The following VWA8 variants were observed in gnomAD, a reference collection of about 807,000 sequenced individuals.
The protein encoded by VWA8 is von Willebrand factor A domain containing 8.
A neutral mutation model predicts 241.5 loss-of-function variants in VWA8; 221 were observed. The observed-to-expected ratio is 0.91, with a 90% CI of 0.82 to 1.02. The LOEUF (loss-of-function observed/expected upper bound fraction) is 1.02. VWA8 is among the 50% of genes least tolerant of loss of function. The pLI, the probability that VWA8 is intolerant of heterozygous loss-of-function variation, is 0.00. For missense variants in VWA8, 2,322 were observed against 2,328.7 expected, an observed-to-expected ratio of 1.00 and a Z score of 0.06; for synonymous variants, 852 against 827.1, an observed-to-expected ratio of 1.03 and a Z score of -0.52.
In VWA8 at chr13:41,865,965, C is replaced by T. The variant is rs1472126873; in HGVS notation, c.1284G>A (p.Lys428=). The change falls in exon 11 of 45, where the codon AAG becomes AAA. Residue 428 remains lysine (K), a synonymous_variant. Coordinates refer to ENST00000379310, the MANE Select transcript of VWA8 (RefSeq NM_015058.2). ...ACTGCATCATTTCAGCCTGTAGCTGCTTATGGCTCAAAGTCTGTATGAAAC... is the reference window on the plus strand; with the variant it reads ...ACTGCATCATTTCAGCCTGTAGCTGTTTATGGCTCAAAGTCTGTATGAAAC... The part of the protein sequence containing the change: ...SDRFIQTLSH[K]QLQAEMMQSH... 1.9e-6 allele frequency: 3 copies of T among 1,614,216 alleles called. No individual in the cohort carries two copies. The highest frequency in any genetic ancestry group is 1.6e-4 in the Middle Eastern group (1 of 6,062).
chr13:41,897,868 C>A (rs1374312933), intron 4 of VWA8, among the ~76,000 whole-genome samples: 1 of 152,278 alleles, frequency 6.6e-6, no homozygotes, highest in Middle Eastern at 3.4e-3. Context: ...CTGGCTCCGG[C>A]AGCCTGCTTT....
chr13:41,748,664 T>A (rs895126327), intron 21 of VWA8, among the ~76,000 whole-genome samples: 16 of 152,100 alleles, frequency 1.1e-4, no homozygotes, highest in Admixed American at 1.3e-4. Context: ...AACAGAGATA[T>A]AGACCAATGG....
chr13:41,717,179 A>G (rs1388557508), intron 26 of VWA8, among the ~76,000 whole-genome samples: 1 of 151,928 alleles, frequency 6.6e-6, no homozygotes, highest in Non-Finnish European at 1.5e-5. Flanking sequence ...CTCTTTTTAC[A>G]GAATTATTGT....
At chr13:41,853,337 C>G (rs986027882) in intron 12 of VWA8, among the ~76,000 whole-genome samples, 13 of 152,044 alleles carry the variant, frequency 8.6e-5, no homozygotes, top group African/African-American at 2.9e-4. Flanking sequence ...CTGTAATTTT[C>G]TTTTCTTGTA....
chr13:41,770,009 CAAAG>C (rs1028528596), intron 20 of VWA8, among the ~76,000 whole-genome samples: 11 of 152,002 alleles, frequency 7.2e-5, no homozygotes, highest in East Asian at 3.9e-4. Flanking sequence ...TTGGGAGAGA[CAAAG>C]AAAGCCTCAT....
intron 40 of VWA8, among the ~76,000 whole-genome samples, chr13:41,591,129 G>T (rs2044451869): frequency 6.6e-6 from 1 of 152,160 alleles, no homozygotes; most frequent in East Asian, 1.9e-4. Flanking sequence ...TGTTAACATT[G>T]TCTGTAAGCC....
At chr13:41,654,042 C>T (rs2044885278) in intron 37 of VWA8, among the ~76,000 whole-genome samples, 1 of 152,034 alleles carries the variant, frequency 6.6e-6, no homozygotes, top group African/African-American at 2.4e-5. Context: ...GCAACAAAAA[C>T]AAAAATTGAC....
intron 1 of VWA8, among the ~76,000 whole-genome samples, chr13:41,954,896 G>T (rs1447502880): frequency 6.6e-6 from 1 of 151,964 alleles, no homozygotes; most frequent in Non-Finnish European, 1.5e-5. Flanking sequence ...TGTTCAAAGG[G>T]ATACATATTT....
intron 17 of VWA8, among the ~76,000 whole-genome samples, chr13:41,802,122 G>A (rs1029291159): frequency 1.1e-4 from 16 of 152,188 alleles, no homozygotes; most frequent in African/African-American, 3.9e-4. Flanking sequence ...GCACTGAAGG[G>A]AGTAGGAAAG....
At chr13:41,750,325 C>T (rs545267286) in intron 21 of VWA8, among the ~76,000 whole-genome samples, 48 of 151,804 alleles carry the variant, frequency 3.2e-4, no homozygotes, top group Non-Finnish European at 5.3e-4. Context: ...TCCAGCTACT[C>T]GGGAGGCTGA....
At chr13:41,632,866 T>C (rs956221262) in intron 37 of VWA8, among the ~76,000 whole-genome samples, 7 of 152,092 alleles carry the variant, frequency 4.6e-5, no homozygotes, top group Non-Finnish European at 8.8e-5. Context: ...GTCACTATGG[T>C]TCAAAACTAT....
In VWA8 at chr13:41,685,147, C is replaced by T; in HGVS notation, c.4227G>A (p.Gly1409=). 6.2e-7 allele frequency: 1 copy of T among 1,613,488 alleles called. No individual in the cohort carries two copies. Among genetic ancestry groups the T allele is most frequent in the Non-Finnish European group, 8.5e-7 (1 of 1,179,718 alleles). The change falls in exon 35 of 45, where the codon GGG becomes GGA. Residue 1409 remains glycine, a synonymous_variant. Coordinates refer to ENST00000379310, the MANE Select transcript of VWA8 (RefSeq NM_015058.2). ...TSFYRGKKKR[G]TPKQSNCVTL... is the part of the protein sequence containing the mutation. ...TCACACAATTGCTTTGTTTTGGAGT[C>T]CCCCTTTTCTTCTTTCCTCTATAGA...
chr13:41,568,010 G>T lies in VWA8; in HGVS notation c.*187C>A. 6.9e-6 allele frequency: 4 copies of T among 579,434 alleles called. 1 individual carries two copies. The South Asian group carries it at 9.0e-5, about 13-fold the overall frequency. The allele number at this position is 579,434 out of a possible 1,614,324, so 35.9% of individuals were successfully genotyped here. On this transcript the variant is annotated 3_prime_UTR_variant, in exon 45 of 45. Transcript: ENST00000379310. ...ACTCATCAGTGGAGTATCTTTCCAT[G>T]TTTAAGTCTCCTTCTGGCTGCTTCT...
intron 12 of VWA8, among the ~76,000 whole-genome samples, chr13:41,861,689 C>A (rs534465397): frequency 2.0e-5 from 3 of 152,248 alleles, no homozygotes; most frequent in Non-Finnish European, 4.4e-5. Context: ...AACACAATCC[C>A]ATTTACAACA....
At chr13:41,766,285 A>G (rs2045778572) in intron 20 of VWA8, among the ~76,000 whole-genome samples, 1 of 152,226 alleles carries the variant, frequency 6.6e-6, no homozygotes, top group East Asian at 1.9e-4. Flanking sequence ...AAAAAAATAC[A>G]GAACGTACAA....
intron 12 of VWA8, among the ~76,000 whole-genome samples, chr13:41,857,239 C>G (rs910890098): frequency 6.6e-6 from 1 of 152,080 alleles, no homozygotes; most frequent in Admixed American, 6.5e-5. Flanking sequence ...ACTAGTTTTA[C>G]TTATTTCATT....
intron 9 of VWA8, among the ~76,000 whole-genome samples, chr13:41,879,357 CCT>C (rs989550169): frequency 4.1e-5 from 6 of 144,956 alleles, no homozygotes; most frequent in Non-Finnish European, 6.0e-5. Flanking sequence ...TCCTACTCTT[CCT>C]CTCTCTCTCA....
chr13:41,678,747 CAAT>C (rs2045077880), intron 35 of VWA8, among the ~76,000 whole-genome samples: 1 of 151,918 alleles, frequency 6.6e-6, no homozygotes, highest in Non-Finnish European at 1.5e-5. Context: ...TGAGAAAATG[CAAT>C]AATGACAGTG....
intron 17 of VWA8, among the ~76,000 whole-genome samples, chr13:41,790,541 C>T (rs1869410981): frequency 6.6e-6 from 1 of 151,948 alleles, no homozygotes; most frequent in Non-Finnish European, 1.5e-5. Context: ...TCTGATTAAA[C>T]TCTTACAACT....
Sources: gnomAD v4.1 joint callset for allele counts (sites outside exome capture counted in the v4.1 genomes callset) on GRCh38, gnomAD v4.1.1 for gene constraint, MANE v1.5 for transcripts, NCBI Gene and HGNC (gene_info 2026-07-23, HGNC 2026-07-21) for gene names.